The following GREM2 variants were observed in gnomAD, a reference collection of about 807,000 sequenced individuals.
GREM2 encodes gremlin-2.
A neutral mutation model predicts 14.2 loss-of-function variants in GREM2; 11 were observed. The observed-to-expected ratio is 0.78, with a 90% CI of 0.49 to 1.28. The LOEUF is 1.28. Ranked by LOEUF, GREM2 falls within the 50% of genes most tolerant of loss-of-function variation. The pLI is 0.00. For synonymous variants in GREM2, 98 were observed against 97.6 expected, an observed-to-expected ratio of 1.00 and a Z score of -0.02; for missense variants, 210 against 218.5, an observed-to-expected ratio of 0.96 and a Z score of 0.24.
At chr1:240,599,363 T>C (rs1679876932) in intron 1 of GREM2, among the ~76,000 whole-genome samples, 1 of 151,954 alleles carries the variant, frequency 6.6e-6, no homozygotes, top group African/African-American at 2.4e-5. Context: ...GTTCTGTGCA[T>C]GTGTGGTTCC....
chr1:240,501,889 T>G (rs994362870), intron 1 of GREM2, among the ~76,000 whole-genome samples: 1 of 152,138 alleles, frequency 6.6e-6, no homozygotes, highest in African/African-American at 2.4e-5. Flanking sequence ...GAGTTTTATT[T>G]GAAAGGAAGG....
chr1:240,604,574 A>G (rs1679991112), intron 1 of GREM2, among the ~76,000 whole-genome samples: 1 of 152,200 alleles, frequency 6.6e-6, no homozygotes, highest in South Asian at 2.1e-4. Flanking sequence ...GTAACTAAAG[A>G]GAATGTGATA....
At chr1:240,522,174 C>A (rs570787529) in intron 1 of GREM2, among the ~76,000 whole-genome samples, 3 of 149,504 alleles carry the variant, frequency 2.0e-5, no homozygotes, top group African/African-American at 7.4e-5. Context: ...ACAATAATTG[C>A]AATTTCAAAG....
In GREM2 at chr1:240,494,831, G is replaced by A. The variant is rs946965781; in HGVS notation, c.-1-1355C>T. Among the ~76,000 whole-genome samples the A allele has an allele frequency of 1.6e-4, 24 of 152,244 alleles. 1 individual carries two copies. The highest frequency in any genetic ancestry group is 1.3e-3 in the Admixed American group (20 of 15,296). ...CAGGAGAATGGCGTGAACCCGGGAGGCGGAGCTTGCAATGAGCCGAGATGG... is the reference window on the plus strand; with the variant it reads ...CAGGAGAATGGCGTGAACCCGGGAGACGGAGCTTGCAATGAGCCGAGATGG... On this transcript the variant is annotated intron_variant, in intron 1 of 1. Coordinates refer to ENST00000318160, the MANE Select transcript of GREM2 (RefSeq NM_022469.4).
At position 240,543,672 on chromosome 1, in the gene GREM2, A is replaced by T. The variant is rs921324148; in HGVS notation, c.-1-50196T>A. 4.6e-5 allele frequency among the ~76,000 whole-genome samples: 7 copies of T among 152,308 alleles called. No individual in the cohort carries two copies. Among genetic ancestry groups the T allele is most frequent in the Non-Finnish European group, 7.4e-5 (5 of 68,020 alleles). ...GTTTTAGGAACAAAGCATACCTTTT[A>T]AAAAAATTGATGTAAACACAAAATA... is the stretch of plus-strand genomic sequence containing the variant. On this transcript the variant is annotated intron_variant, in intron 1 of 1. Transcript: ENST00000318160. This position sits in a 1 kb window ranked among gnomAD's most constrained non-coding sequence, Gnocchi z 6.4.
intron 1 of GREM2, among the ~76,000 whole-genome samples, chr1:240,610,595 T>C (rs925201172): frequency 1.3e-5 from 2 of 152,248 alleles, no homozygotes; most frequent in African/African-American, 2.4e-5. Flanking sequence ...CTTATCTTCC[T>C]TGGTCGGGCA....
intron 1 of GREM2, among the ~76,000 whole-genome samples, chr1:240,595,694 T>C (rs935915324): frequency 6.6e-6 from 1 of 152,078 alleles, no homozygotes; most frequent in South Asian, 2.1e-4. Flanking sequence ...TCAGGCCGAG[T>C]TGGGTCTGAA....
chr1:240,583,030 TTGA>T lies in GREM2; in HGVS notation c.-2+28851_-2+28853del, dbSNP rs372742534. Reference sequence around the variant, plus strand: ...CTCCTTTTTACCACATCTTCTTATTTTGATGGTAATGACAATCTTCTTTTATGG... The same window carrying T: ...CTCCTTTTTACCACATCTTCTTATTTTGGTAATGACAATCTTCTTTTATGG... On this transcript the variant is annotated intron_variant, in intron 1 of 1. Transcript: ENST00000318160. 4.5e-3 allele frequency among the ~76,000 whole-genome samples: 690 copies of T among 152,312 alleles called. 5 individuals are homozygous for T. The highest frequency in any genetic ancestry group is 0.016 in the African/African-American group (661 of 41,558).
intron 1 of GREM2, among the ~76,000 whole-genome samples, chr1:240,572,657 G>A (rs556947730): frequency 6.6e-6 from 1 of 152,262 alleles, no homozygotes; most frequent in East Asian, 1.9e-4. Flanking sequence ...CACAATTCTT[G>A]TTCCTTATAG....
intron 1 of GREM2, among the ~76,000 whole-genome samples, chr1:240,549,422 G>A (rs1337305149): frequency 6.6e-6 from 1 of 152,028 alleles, no homozygotes; most frequent in African/African-American, 2.4e-5. Context: ...CAACTAATTG[G>A]TTAACCTAAA....
intron 1 of GREM2, among the ~76,000 whole-genome samples, chr1:240,589,469 A>C (rs1356119557): frequency 5.9e-5 from 9 of 152,058 alleles, no homozygotes; most frequent in African/African-American, 2.2e-4. Context: ...AAAAAAGAAA[A>C]GAAAAGGAAA....
intron 1 of GREM2, among the ~76,000 whole-genome samples, chr1:240,571,455 A>G (rs1679259334): frequency 6.6e-6 from 1 of 152,162 alleles, no homozygotes; most frequent in Non-Finnish European, 1.5e-5. Flanking sequence ...GCACTTTGGG[A>G]GGCCGAGGTG....
chr1:240,607,616 C>T (rs746952966), intron 1 of GREM2, among the ~76,000 whole-genome samples: 5 of 152,204 alleles, frequency 3.3e-5, no homozygotes, highest in Non-Finnish European at 5.9e-5. Context: ...ACACTGAGCA[C>T]GCTCTTAGCA....
chr1:240,534,692 CA>C (rs5782153), intron 1 of GREM2, among the ~76,000 whole-genome samples: 1,362 of 114,878 alleles, frequency 0.012, 8 homozygotes, highest in African/African-American at 0.029. Flanking sequence ...GACTCCATCT[CA>C]AAAAAAAAAA....
Position 240,605,385 on chromosome 1 carries a change from G to A in GREM2, c.-2+6499C>T, listed in dbSNP as rs546902282. 3.9e-5 allele frequency among the ~76,000 whole-genome samples: 6 copies of A among 152,236 alleles called. No individual in the cohort carries two copies. In the East Asian group the frequency reaches 9.6e-4, roughly 24 times the overall value. On this transcript the variant is annotated intron_variant, in intron 1 of 1. Coordinates refer to ENST00000318160, the MANE Select transcript of GREM2 (RefSeq NM_022469.4). ...TCAGCTACTTCGGAGGCTGAGGTGG[G>A]GGGATCACTTGAACGTGAGAGGTTG...
chr1:240,504,921 A>C (rs1438586442), intron 1 of GREM2, among the ~76,000 whole-genome samples: 1 of 152,192 alleles, frequency 6.6e-6, no homozygotes, highest in Admixed American at 6.5e-5. Flanking sequence ...TATATATAAT[A>C]GATGATATAG....
chr1:240,528,282 T>C (rs1164606188), intron 1 of GREM2, among the ~76,000 whole-genome samples: 1 of 152,154 alleles, frequency 6.6e-6, no homozygotes, highest in Non-Finnish European at 1.5e-5. Context: ...TGACTTTTCG[T>C]TTTTTACTAT....
intron 1 of GREM2, among the ~76,000 whole-genome samples, chr1:240,572,209 G>A (rs1369696360): frequency 3.9e-5 from 6 of 152,182 alleles, no homozygotes; most frequent in Non-Finnish European, 5.9e-5. Context: ...AAAAAGATGT[G>A]TTCGTGTCTG....
chr1:240,552,985 A>T (rs1182920608), intron 1 of GREM2, among the ~76,000 whole-genome samples: 3 of 152,194 alleles, frequency 2.0e-5, no homozygotes, highest in Non-Finnish European at 4.4e-5. Context: ...TGCCTGAAGT[A>T]CCAGGAAAAT....
Sources: gnomAD v4.1 joint callset for allele counts (sites outside exome capture counted in the v4.1 genomes callset) on GRCh38, gnomAD v4.1.1 for gene constraint, Gnocchi (gnomAD v3.1) non-coding constraint, MANE v1.5 for transcripts, NCBI Gene and HGNC (gene_info 2026-07-23, HGNC 2026-07-21) for gene names.